The following SEMA5A variants were observed in gnomAD, a reference collection of about 807,000 sequenced individuals.
The protein encoded by SEMA5A is semaphorin 5A, also known as semaphorin-5A.
Under a neutral mutation model 135.5 loss-of-function variants are expected in SEMA5A, and 55 were observed. The ratio of observed to expected loss-of-function variants is 0.41; its 90% CI spans 0.33 to 0.51. The LOEUF (loss-of-function observed/expected upper bound fraction) is 0.51, where lower values mean the gene tolerates loss of function less well. Ranked by LOEUF, SEMA5A falls within the 20% of genes least tolerant of loss-of-function variation. The pLI, the probability that SEMA5A is intolerant of heterozygous loss-of-function variation, is 0.37. For synonymous variants in SEMA5A, 580 were observed against 546.5 expected (o/e 1.06, Z -0.85); for missense variants, 1,290 against 1,419.9 (o/e 0.91, Z 1.47).
At chr5:9,531,871 A>G (rs1350970142) in intron 1 of SEMA5A, among the ~76,000 whole-genome samples, 1 of 152,210 alleles carries the variant, frequency 6.6e-6, no homozygotes, top group African/African-American at 2.4e-5. Context: ...AAGACACACT[A>G]AAAGCAAACA....
intron 1 of SEMA5A, among the ~76,000 whole-genome samples, chr5:9,473,032 C>T (rs1759533118): frequency 6.7e-6 from 1 of 149,470 alleles, no homozygotes; most frequent in Non-Finnish European, 1.5e-5. Flanking sequence ...CATTTCTTTG[C>T]CCCATATTTT....
At chr5:9,308,535 A>C (rs1202018597) in intron 5 of SEMA5A, among the ~76,000 whole-genome samples, 1 of 152,124 alleles carries the variant, frequency 6.6e-6, no homozygotes. Flanking sequence ...CCTTAAGTAA[A>C]TCACATGCTT....
At chr5:9,116,996 C>A (rs1032544918) in intron 15 of SEMA5A, among the ~76,000 whole-genome samples, 2 of 152,158 alleles carry the variant, frequency 1.3e-5, no homozygotes, top group Non-Finnish European at 2.9e-5. Context: ...AGCTTAAATT[C>A]TATAAAAATT....
At chr5:9,086,524 C>T (rs1738702357) in intron 16 of SEMA5A, among the ~76,000 whole-genome samples, 2 of 152,198 alleles carry the variant, frequency 1.3e-5, no homozygotes, top group African/African-American at 2.4e-5. Flanking sequence ...TTTCACCTTC[C>T]ACCATGATTG....
At chr5:9,298,191 A>G (rs185136352) in intron 5 of SEMA5A, among the ~76,000 whole-genome samples, 14 of 150,424 alleles carry the variant, frequency 9.3e-5, no homozygotes, top group Admixed American at 1.3e-4. Flanking sequence ...TATGTGTCCT[A>G]TGAAAAAGGG....
At chr5:9,118,238 G>A (rs889648912) in intron 15 of SEMA5A, among the ~76,000 whole-genome samples, 2 of 152,140 alleles carry the variant, frequency 1.3e-5, no homozygotes, top group Non-Finnish European at 2.9e-5. Flanking sequence ...AATCCTGAAA[G>A]CATTATGAAA....
At chr5:9,288,532 G>A (rs1047980710) in intron 5 of SEMA5A, among the ~76,000 whole-genome samples, 10 of 152,138 alleles carry the variant, frequency 6.6e-5, no homozygotes. Context: ...AGAAACAGAC[G>A]CTGGGAGGGG....
intron 1 of SEMA5A, among the ~76,000 whole-genome samples, chr5:9,460,649 T>A (rs1006869687): frequency 6.6e-6 from 1 of 152,172 alleles, no homozygotes; most frequent in African/African-American, 2.4e-5. Flanking sequence ...AAAATGATTT[T>A]CAGTCTTGAA....
chr5:9,533,291 GTTA>G (rs1158128028), intron 1 of SEMA5A, among the ~76,000 whole-genome samples: 7 of 152,142 alleles, frequency 4.6e-5, no homozygotes, highest in South Asian at 2.1e-4. Context: ...CATGCTCCTA[GTTA>G]CAACATTGGC....
intron 16 of SEMA5A, among the ~76,000 whole-genome samples, chr5:9,083,500 T>C (rs987513396): frequency 6.6e-6 from 1 of 152,110 alleles, no homozygotes. Context: ...AAACTAAAAG[T>C]CAATGTAGTG....
At chr5:9,253,031 T>G (rs1748883827) in intron 5 of SEMA5A, among the ~76,000 whole-genome samples, 1 of 152,240 alleles carries the variant, frequency 6.6e-6, no homozygotes, top group Non-Finnish European at 1.5e-5. Flanking sequence ...TCTCCTTAAA[T>G]GGTCTCAGGG....
intron 1 of SEMA5A, among the ~76,000 whole-genome samples, chr5:9,481,948 C>T (rs138045035): frequency 7.4e-4 from 112 of 152,312 alleles, no homozygotes; most frequent in African/African-American, 2.5e-3. Context: ...AATGAGAGCA[C>T]AAAATGGAAA....
chr5:9,256,885 C>A (rs894905082), intron 5 of SEMA5A, among the ~76,000 whole-genome samples: 2 of 152,224 alleles, frequency 1.3e-5, no homozygotes, highest in Non-Finnish European at 2.9e-5. Flanking sequence ...TCAAGATTAG[C>A]ATGAAGAGTG....
chr5:9,543,906 T>G (rs991724888), intron 1 of SEMA5A, among the ~76,000 whole-genome samples: 1 of 151,976 alleles, frequency 6.6e-6, no homozygotes, highest in Non-Finnish European at 1.5e-5. Flanking sequence ...TCTTTTGGTG[T>G]AAATACAGGC....
chr5:9,264,386 T>A (rs1749568533), intron 5 of SEMA5A, among the ~76,000 whole-genome samples: 1 of 152,028 alleles, frequency 6.6e-6, no homozygotes, highest in South Asian at 2.1e-4. Flanking sequence ...AAAGAGGAAG[T>A]GAAAAAAACA....
intron 8 of SEMA5A, among the ~76,000 whole-genome samples, chr5:9,208,706 G>A (rs972130064): frequency 5.9e-5 from 9 of 152,148 alleles, no homozygotes; most frequent in East Asian, 1.9e-4. Flanking sequence ...TCAACAGGAC[G>A]GGAGGTGGAA....
At chr5:9,503,057 C>T (rs1735677113) in intron 1 of SEMA5A, among the ~76,000 whole-genome samples, 1 of 152,040 alleles carries the variant, frequency 6.6e-6, no homozygotes, top group African/African-American at 2.4e-5. Context: ...ACATGAATAA[C>T]TGGGATAAAG....
intron 11 of SEMA5A, among the ~76,000 whole-genome samples, chr5:9,180,061 C>T (rs558660397): frequency 6.6e-6 from 1 of 152,294 alleles, no homozygotes; most frequent in East Asian, 1.9e-4. Context: ...TTTGTGCACT[C>T]CAATCTCTGC....
chr5:9,197,405 G>C (rs1224183830), intron 9 of SEMA5A, 102 bp from the exon 10 acceptor site: 7 of 1,387,724 alleles, frequency 5.0e-6, no homozygotes, highest in African/African-American at 1.4e-5. Flanking sequence ...AGCTTCCAGA[G>C]GTCTCAAGAC....
Sources: gnomAD v4.1 joint callset for allele counts (sites outside exome capture counted in the v4.1 genomes callset) on GRCh38, gnomAD v4.1.1 for gene constraint, MANE v1.5 for transcripts, NCBI Gene and HGNC (gene_info 2026-07-23, HGNC 2026-07-21) for gene names.